Variants in RNLS observed in about 807,000 individuals in gnomAD.
The protein encoded by RNLS is renalase, FAD dependent amine oxidase.
RNLS carries 39 observed loss-of-function variants against 39.8 expected under a neutral mutation model. The observed-to-expected ratio is 0.98, with a 90% CI of 0.76 to 1.28. RNLS has a LOEUF of 1.28. Among genes scored for constraint, RNLS ranks in the 50% most tolerant of loss-of-function variants. RNLS has a pLI of 0.00. For missense variants in RNLS, 410 were observed against 413.3 expected (o/e 0.99, Z 0.07); for synonymous variants, 147 against 150.7 (o/e 0.98, Z 0.18).
At chr10:88,205,488 T>C in the RNLS span, among the ~76,000 whole-genome samples, 1 of 152,152 alleles carries the variant, frequency 6.6e-6, no homozygotes, top group South Asian at 2.1e-4. Flanking sequence ...AGTTCATATT[T>C]ATTTAGATTT....
chr10:88,459,321 G>A (rs1842813207), intron 4 of RNLS, among the ~76,000 whole-genome samples: 1 of 152,016 alleles, frequency 6.6e-6, no homozygotes, highest in South Asian at 2.1e-4. Flanking sequence ...ATTCTGGTGT[G>A]CACAGTGATT....
the RNLS span, among the ~76,000 whole-genome samples, chr10:88,213,417 T>A: frequency 6.6e-6 from 1 of 151,914 alleles, no homozygotes; most frequent in Non-Finnish European, 1.5e-5. Context: ...CTTCCCGAGT[T>A]TGGGAAAACT....
intron 6 of RNLS, among the ~76,000 whole-genome samples, chr10:88,303,763 G>T (rs1329234612): frequency 6.6e-6 from 1 of 152,090 alleles, no homozygotes; most frequent in Admixed American, 6.5e-5. Flanking sequence ...ACAGAGAACA[G>T]CAGATCTTCC....
At chr10:88,295,155 T>A (rs1316806733) in intron 6 of RNLS, among the ~76,000 whole-genome samples, 1 of 152,174 alleles carries the variant, frequency 6.6e-6, no homozygotes, top group Non-Finnish European at 1.5e-5. Flanking sequence ...TTAAGAAAAG[T>A]GAGGATAAAG....
the RNLS span, among the ~76,000 whole-genome samples, chr10:88,249,251 G>A: frequency 6.6e-6 from 1 of 152,102 alleles, no homozygotes; most frequent in African/African-American, 2.4e-5. Flanking sequence ...CTTCTGCCAG[G>A]TAACCCTAAA....
At chr10:88,386,883 A>G (rs562149455) in intron 4 of RNLS, among the ~76,000 whole-genome samples, 2 of 152,366 alleles carry the variant, frequency 1.3e-5, no homozygotes, top group South Asian at 4.1e-4. Flanking sequence ...AAGTGGAAGT[A>G]CTTTAAAATA....
chr10:88,305,833 T>C (rs1337829072), intron 6 of RNLS, among the ~76,000 whole-genome samples: 1 of 152,186 alleles, frequency 6.6e-6, no homozygotes, highest in African/African-American at 2.4e-5. Context: ...ATGGAGCTGA[T>C]AGATATCTAC....
chr10:88,207,125 G>T, the RNLS span, among the ~76,000 whole-genome samples: 1 of 152,194 alleles, frequency 6.6e-6, no homozygotes, highest in East Asian at 1.9e-4. Flanking sequence ...ATTAGACAAA[G>T]ATTTCTTAGA....
At chr10:88,569,880 T>C (rs1169140630) in intron 4 of RNLS, among the ~76,000 whole-genome samples, 3 of 152,112 alleles carry the variant, frequency 2.0e-5, no homozygotes, top group African/African-American at 7.2e-5. Flanking sequence ...CATAGTATTC[T>C]AGCACCTTGA....
chr10:88,201,426 T>C, the RNLS span, among the ~76,000 whole-genome samples: 12 of 152,288 alleles, frequency 7.9e-5, no homozygotes, highest in South Asian at 1.7e-3. Flanking sequence ...TTTGTTCTGT[T>C]GGAACACTGA....
At chr10:88,481,629 A>G (rs1844174577) in intron 4 of RNLS, among the ~76,000 whole-genome samples, 1 of 152,172 alleles carries the variant, frequency 6.6e-6, no homozygotes, top group Non-Finnish European at 1.5e-5. Flanking sequence ...TGTCATATAA[A>G]TTACATATAT....
rs558646069 is a variant in RNLS, at chr10:88,565,390, T to G, written c.526+7513A>C. 1.1e-4 allele frequency among the ~76,000 whole-genome samples: 17 copies of G among 152,310 alleles called. No homozygotes were observed. The South Asian group carries it at 1.2e-3, about 11-fold the overall frequency. On this transcript the variant is annotated intron_variant, in intron 4 of 6. Transcript: ENST00000331772. ...GAAAACACAGAGAGAAGGGTAGACA[T>G]TAACCAATTCTTCATACTGAGGTCA...
chr10:88,341,588 A>G (rs1847964687), intron 5 of RNLS, among the ~76,000 whole-genome samples: 1 of 152,114 alleles, frequency 6.6e-6, no homozygotes, highest in Non-Finnish European at 1.5e-5. Flanking sequence ...AACGTGCCAT[A>G]TAATTATTTA....
chr10:88,351,311 A>G lies in RNLS; in HGVS notation c.700+11241T>C, dbSNP rs535814758. ...AGACATGAAGTCCTTGCCCATCCCT[A>G]TGTCCTAAATGGTAATGCCTATGTT... On this transcript the variant is annotated intron_variant, in intron 5 of 6. Coordinates refer to ENST00000331772, the MANE Select transcript of RNLS (RefSeq NM_001031709.3). 1.8e-4 allele frequency among the ~76,000 whole-genome samples: 27 copies of G among 152,284 alleles called. No homozygotes were observed. In the South Asian group the frequency reaches 4.8e-3, roughly 27 times the overall value.
chr10:88,287,619 G>A lies in RNLS; in HGVS notation c.877-2113C>T, dbSNP rs536087261. Among the ~76,000 whole-genome samples, 13 of 152,198 alleles carry A rather than the reference G, an allele frequency of 8.5e-5. No homozygotes were observed. The East Asian group carries it at 2.3e-3, about 27-fold the overall frequency. ...TCCCTGAGACTGGGTAATTTATAAA[G>A]AAAAGAGGTTTAATTGACTCACAGT... On this transcript the variant is annotated intron_variant, in intron 6 of 6. Coordinates refer to ENST00000331772, the MANE Select transcript of RNLS (RefSeq NM_001031709.3).
chr10:88,286,169 C>G (rs1267304151), intron 6 of RNLS, among the ~76,000 whole-genome samples: 2 of 152,142 alleles, frequency 1.3e-5, no homozygotes, highest in African/African-American at 4.8e-5. Flanking sequence ...CTCTCCACTA[C>G]TCCTCATCCC....
chr10:88,445,591 T>C (rs575536540), intron 4 of RNLS, among the ~76,000 whole-genome samples: 2 of 152,052 alleles, frequency 1.3e-5, no homozygotes, highest in Admixed American at 6.5e-5. Flanking sequence ...GCGACACACA[T>C]AGGCTCAAAA....
chr10:88,220,179 A>G, the RNLS span, among the ~76,000 whole-genome samples: 1 of 152,266 alleles, frequency 6.6e-6, no homozygotes, highest in African/African-American at 2.4e-5. Flanking sequence ...TGCTGGTGCC[A>G]GTAGTTCATA....
At chr10:88,282,984 A>G (rs1395635914), downstream of RNLS, among the ~76,000 whole-genome samples, 3 of 152,180 alleles carry the variant, frequency 2.0e-5, no homozygotes. Flanking sequence ...CTTGATTAAT[A>G]AAAGTTCTTG....
Sources: allele counts gnomAD v4.1 joint callset (sites outside exome capture counted in the v4.1 genomes callset), GRCh38; gene constraint gnomAD v4.1.1; transcripts MANE v1.5; gene names NCBI Gene and HGNC (gene_info 2026-07-23, HGNC 2026-07-21).